Variants in GRK5 observed in about 807,000 individuals in gnomAD.
The protein encoded by GRK5 is g protein-coupled receptor kinase GRK5.
A neutral mutation model predicts 78.4 loss-of-function variants in GRK5; 40 were observed. The ratio of observed to expected loss-of-function variants is 0.51; its 90% CI spans 0.40 to 0.66. The LOEUF (loss-of-function observed/expected upper bound fraction) is 0.66, where lower values mean the gene tolerates loss of function less well. Ranked by LOEUF, GRK5 falls within the 30% of genes least tolerant of loss-of-function variation. The probability of loss-of-function intolerance (pLI) is 0.00; values close to 1 mark genes in which losing one functional copy is unlikely to be tolerated. For synonymous variants in GRK5, 289 were observed against 296.8 expected (o/e 0.97, Z 0.27); for missense variants, 598 against 759.9 (o/e 0.79, Z 2.50).
chr10:119,454,221 G>C (rs1853354838), intron 15 of GRK5, among the ~76,000 whole-genome samples: 1 of 152,224 alleles, frequency 6.6e-6, no homozygotes, highest in Non-Finnish European at 1.5e-5. Context: ...GGCATGCTAA[G>C]AACACCCTGG....
rs774410093 is a variant in GRK5 at position 119,458,380 on chromosome 10, G to C, written c.*3313G>C. On this transcript the variant is annotated 3_prime_UTR_variant, in exon 16 of 16. Coordinates refer to ENST00000392870, the MANE Select transcript of GRK5 (RefSeq NM_005308.3). ...CAAGAAGACCCGGTCCCCGCCTTGC[G>C]GACGATGCACTCACATGCCACAGCA... 5 of 152,304 alleles carry C rather than the reference G, an allele frequency of 3.3e-5. No homozygotes were observed. Among genetic ancestry groups the C allele is most frequent in the African/African-American group, 4.8e-5 (2 of 41,456 alleles). The allele number at this position is 152,304 out of a possible 1,614,324, so 9.4% of individuals were successfully genotyped here. A position where few individuals can be genotyped will look rare whatever the true frequency, so the allele number is the denominator to read the frequency against.
chr10:119,254,365 G>A (rs1007152931), intron 1 of GRK5, among the ~76,000 whole-genome samples: 1 of 151,918 alleles, frequency 6.6e-6, no homozygotes, highest in African/African-American at 2.4e-5. Flanking sequence ...TTTTTAGACA[G>A]TGTATTGTGA....
intron 2 of GRK5, among the ~76,000 whole-genome samples, chr10:119,349,323 G>C (rs1056179217): frequency 2.0e-5 from 3 of 152,242 alleles, no homozygotes; most frequent in Non-Finnish European, 4.4e-5. Context: ...GGCTTTGAGA[G>C]GTGGCCGTAG....
chr10:119,288,602 G>A (rs947133532), intron 1 of GRK5, among the ~76,000 whole-genome samples: 19 of 152,240 alleles, frequency 1.2e-4, no homozygotes, highest in Admixed American at 2.6e-4. Context: ...CTGTGTCACT[G>A]CTGCAGCAAC....
intron 1 of GRK5, among the ~76,000 whole-genome samples, chr10:119,269,344 C>G (rs963061993): frequency 1.2e-4 from 19 of 152,116 alleles, no homozygotes; most frequent in Non-Finnish European, 1.0e-4. Flanking sequence ...GTTGGGAGCC[C>G]CCAAACCCAT....
At chr10:119,308,911 C>G (rs1267633046) in intron 1 of GRK5, among the ~76,000 whole-genome samples, 1 of 152,246 alleles carries the variant, frequency 6.6e-6, no homozygotes, top group Non-Finnish European at 1.5e-5. Flanking sequence ...TTTCTCCCCA[C>G]TTCCCAGACG....
chr10:119,353,100 A>T lies in GRK5; in HGVS notation c.148+26489A>T, dbSNP rs547611245. ...TGTTCCGGGGACTGGTTCAGAGATCAAATCTTGTTCATGTGAAGAAGCCCT... is the reference window on the plus strand; with the variant it reads ...TGTTCCGGGGACTGGTTCAGAGATCTAATCTTGTTCATGTGAAGAAGCCCT... On this transcript the variant is annotated intron_variant, in intron 2 of 15. Transcript: ENST00000392870. 2.6e-5 allele frequency among the ~76,000 whole-genome samples: 4 copies of T among 152,368 alleles called. No homozygotes were observed. In the East Asian group the frequency reaches 7.7e-4, roughly 29 times the overall value.
chr10:119,364,091 C>T (rs291971), intron 2 of GRK5, among the ~76,000 whole-genome samples: 152,080 of 152,318 alleles, frequency 1, 75,921 homozygotes, highest in Non-Finnish European at 1. Flanking sequence ...TGCTGATCCT[C>T]GGATTCTCTG....
intron 1 of GRK5, among the ~76,000 whole-genome samples, chr10:119,306,137 CT>C (rs1850268874): frequency 6.6e-6 from 1 of 152,114 alleles, no homozygotes; most frequent in African/African-American, 2.4e-5. Context: ...AGGGGGGAGC[CT>C]TTTGGATGAG....
chr10:119,371,146 T>C (rs542888604), intron 2 of GRK5, among the ~76,000 whole-genome samples: 21 of 152,280 alleles, frequency 1.4e-4, no homozygotes, highest in Admixed American at 7.8e-4. Context: ...GGGGCAACAA[T>C]GCACACAGTC....
intron 12 of GRK5, among the ~76,000 whole-genome samples, 191 bp from the exon 13 acceptor site, chr10:119,447,932 C>A (rs2133914960): frequency 6.6e-6 from 1 of 152,366 alleles, no homozygotes; most frequent in South Asian, 2.1e-4. Context: ...TCCCATCAGG[C>A]ATCTAGCCAG....
intron 3 of GRK5, among the ~76,000 whole-genome samples, chr10:119,392,019 C>T (rs1368705818): frequency 2.0e-5 from 3 of 152,166 alleles, no homozygotes; most frequent in African/African-American, 7.2e-5. Flanking sequence ...CCTTTCTAAA[C>T]CTAGGGCCGG....
In GRK5 at chr10:119,396,668, T is replaced by C. The variant is rs751502044; in HGVS notation, c.262-27T>C. On this transcript the variant is annotated intron_variant, in intron 3 of 15. Coordinates refer to ENST00000392870, the MANE Select transcript of GRK5 (RefSeq NM_005308.3). ...AAGAAGCTCATGAGCAAACCTGTTATTGTTCTTTTTTCTCCTTCTGTTTTA... is the reference window on the plus strand; with the variant it reads ...AAGAAGCTCATGAGCAAACCTGTTACTGTTCTTTTTTCTCCTTCTGTTTTA... 17 of 1,570,758 alleles carry C rather than the reference T, an allele frequency of 1.1e-5. No individual in the cohort carries two copies. The Admixed American group carries it at 1.5e-4, about 14-fold the overall frequency.
At chr10:119,292,655 G>T (rs1291207821) in intron 1 of GRK5, among the ~76,000 whole-genome samples, 1 of 152,152 alleles carries the variant, frequency 6.6e-6, no homozygotes, top group Non-Finnish European at 1.5e-5. Flanking sequence ...ACCTCCTGAG[G>T]ATACCAAAAT....
In GRK5 at chr10:119,255,017, C is replaced by T. The variant is rs186409481; in HGVS notation, c.52+47048C>T. On this transcript the variant is annotated intron_variant, in intron 1 of 15. Coordinates refer to ENST00000392870, the MANE Select transcript of GRK5 (RefSeq NM_005308.3). The stretch of plus-strand genomic sequence containing the variant: ...TTGCGCCATTGCACTCCAGCCTGGG[C>T]GACAGAGCAAGACTCAGTCTCAAAA... 1.8e-4 allele frequency among the ~76,000 whole-genome samples: 24 copies of T among 130,350 alleles called. No homozygotes were observed. In the East Asian group the frequency reaches 2.2e-3, roughly 12 times the overall value. 85.5% of individuals were successfully genotyped at this position (130,350 alleles called of 152,430 possible). A position where few individuals can be genotyped will look rare whatever the true frequency, so the allele number is the denominator to read the frequency against.
intron 3 of GRK5, among the ~76,000 whole-genome samples, chr10:119,385,836 A>G (rs1458667904): frequency 6.6e-6 from 1 of 152,042 alleles, no homozygotes; most frequent in African/African-American, 2.4e-5. Context: ...GCCAGGCTTC[A>G]TGAGAAAGAT....
In GRK5 at chr10:119,267,111, C is replaced by T. The variant is rs1363154766; in HGVS notation, c.52+59142C>T. ...TACAAAAATTAGCCAGGCATGGTGGCGGGCGCCTGTAATCTCAGCTACTCA... is the reference window on the plus strand; with the variant it reads ...TACAAAAATTAGCCAGGCATGGTGGTGGGCGCCTGTAATCTCAGCTACTCA... On this transcript the variant is annotated intron_variant, in intron 1 of 15. Coordinates refer to ENST00000392870, the MANE Select transcript of GRK5 (RefSeq NM_005308.3). The surrounding 1 kb of genome is among the most constrained non-coding windows in gnomAD (Gnocchi z 4.1). 1.5e-4 allele frequency among the ~76,000 whole-genome samples: 23 copies of T among 151,944 alleles called. No homozygotes were observed. The highest frequency in any genetic ancestry group is 1.4e-3 in the Admixed American group (22 of 15,246).
intron 3 of GRK5, among the ~76,000 whole-genome samples, chr10:119,395,445 G>A (rs1473558126): frequency 6.6e-6 from 1 of 152,166 alleles, no homozygotes; most frequent in African/African-American, 2.4e-5. Context: ...CTGACTGCAT[G>A]GTGGGACGCC....
intron 4 of GRK5, among the ~76,000 whole-genome samples, chr10:119,404,064 G>A (rs930115605): frequency 6.6e-6 from 1 of 152,164 alleles, no homozygotes; most frequent in Non-Finnish European, 1.5e-5. Context: ...TGGGTCATGT[G>A]GTAACTCTAT....
Sources: gnomAD v4.1 joint callset for allele counts (sites outside exome capture counted in the v4.1 genomes callset) on GRCh38, gnomAD v4.1.1 for gene constraint, Gnocchi (gnomAD v3.1) non-coding constraint, MANE v1.5 for transcripts, NCBI Gene and HGNC (gene_info 2026-07-23, HGNC 2026-07-21) for gene names.